Variants in ABCA2 observed in about 807,000 individuals in gnomAD.
ABCA2 encodes ATP-binding cassette sub-family A member 2.
Under a neutral mutation model 262.8 loss-of-function variants are expected in ABCA2, and 84 were observed. The ratio of observed to expected loss-of-function variants is 0.32; its 90% CI spans 0.27 to 0.38. ABCA2 has a LOEUF of 0.38. ABCA2 is among the 10% of genes least tolerant of loss of function. The pLI, the probability that ABCA2 is intolerant of heterozygous loss-of-function variation, is 1.00. For missense variants in ABCA2, 2,662 were observed against 3,405.9 expected, an observed-to-expected ratio of 0.78 and a Z score of 5.44; for synonymous variants, 1,696 against 1,502.9, an observed-to-expected ratio of 1.13 and a Z score of -2.97.
rs1018721239 is a variant in ABCA2, at chr9:137,007,521, G to A, written c.*408C>T. The A allele has an allele frequency of 3.8e-5, 10 of 261,184 alleles. 1 individual carries two copies. The highest frequency in any genetic ancestry group is 2.5e-4 in the South Asian group (6 of 24,230). The allele number at this position is 261,184 out of a possible 1,614,324, so 16.2% of individuals were successfully genotyped here. On this transcript the variant is annotated 3_prime_UTR_variant, in exon 49 of 49. Coordinates refer to ENST00000341511, the MANE Select transcript of ABCA2 (RefSeq NM_001606.5). ...ATAAATACGGGACTGACCCAGCTCCGCCCACAGCCCGCTCTCGGCATCAGC... is the reference window on the plus strand; with the variant it reads ...ATAAATACGGGACTGACCCAGCTCCACCCACAGCCCGCTCTCGGCATCAGC...
At chr9:137,023,961 C>T (rs1831565921) in intron 2 of ABCA2, 121 bp from the exon 3 acceptor site, 1 of 1,518,462 alleles carries the variant, frequency 6.6e-7, no homozygotes, top group Non-Finnish European at 8.9e-7. Flanking sequence ...TTCGCGGCCA[C>T]AGGCCAGCCC....
chr9:137,007,815 A>T lies in ABCA2; in HGVS notation c.*114T>A, dbSNP rs1262442317. ...AGGACCAGAAGCCCCTTGGTCCTGA[A>T]CCTCCACTCCAGGCCCTGGCAGGCA... On this transcript the variant is annotated 3_prime_UTR_variant, in exon 49 of 49. Transcript: ENST00000341511. 7.0e-7 allele frequency: 1 copy of T among 1,436,926 alleles called. No homozygotes were observed. Among genetic ancestry groups the T allele is most frequent in the Non-Finnish European group, 9.5e-7 (1 of 1,054,408 alleles). 89.0% of individuals were successfully genotyped at this position (1,436,926 alleles called of 1,614,324 possible). A position where few individuals can be genotyped will look rare whatever the true frequency, so the allele number is the denominator to read the frequency against.
chr9:137,010,600 C>T lies in ABCA2; in HGVS notation c.6174+20G>A. On this transcript the variant is annotated intron_variant, in intron 40 of 48. Transcript: ENST00000341511. ...CTGGCCTACCCCACCCAGGCCCCACCCTACATGCCCAGAGCCCACCTTGGT... is the reference window on the plus strand; with the variant it reads ...CTGGCCTACCCCACCCAGGCCCCACTCTACATGCCCAGAGCCCACCTTGGT... The T allele has an allele frequency of 6.4e-7, 1 of 1,571,210 alleles. No individual in the cohort carries two copies.
rs759814877 is a variant in ABCA2 at position 137,011,393 on chromosome 9, C to T, written c.5799+14G>A. Reference sequence around the variant, plus strand: ...GCAGGGTCCGCCACCCCCACCATGTCGTCACCGCCCCACCTTGTCGTGCTC... The same window carrying T: ...GCAGGGTCCGCCACCCCCACCATGTTGTCACCGCCCCACCTTGTCGTGCTC... On this transcript the variant is annotated intron_variant, in intron 37 of 48. Coordinates refer to ENST00000341511, the MANE Select transcript of ABCA2 (RefSeq NM_001606.5). The surrounding 1 kb of genome is among the most constrained non-coding windows in gnomAD (Gnocchi z 8.8). 9.9e-6 allele frequency: 16 copies of T among 1,608,652 alleles called. No individual in the cohort carries two copies. Among genetic ancestry groups the T allele is most frequent in the African/African-American group, 8.0e-5 (6 of 74,880 alleles).
chr9:137,008,104 T>C, intron 48 of ABCA2, 140 bp from the exon 49 acceptor site: 1 of 1,125,018 alleles, frequency 8.9e-7, no homozygotes, highest in South Asian at 1.5e-5. Flanking sequence ...CCTCTGTGTC[T>C]GGGCTCTCCC....
rs1162192440 is a variant in ABCA2, at chr9:137,012,912, C to T, written c.4881G>A (p.Ser1627=). Residue 1627 remains serine (S), a synonymous_variant, in exon 31 of 49, where the codon TCG becomes TCA. Coordinates refer to ENST00000341511, the MANE Select transcript of ABCA2 (RefSeq NM_001606.5). The part of the protein sequence containing the change: ...PPTAGPEMWT[S]APSLPRLVRE... The stretch of plus-strand genomic sequence containing the variant: ...GTACCAGGCGCGGCAGGGAGGGTGC[C>T]GACGTCCACATTTCTGTGGGCACAG... The T allele has an allele frequency of 1.5e-5, 23 of 1,525,308 alleles. No homozygotes were observed. In the East Asian group the frequency reaches 3.1e-4, roughly 21 times the overall value. 94.5% of individuals were successfully genotyped at this position (1,525,308 alleles called of 1,614,324 possible). A position where few individuals can be genotyped will look rare whatever the true frequency, so the allele number is the denominator to read the frequency against.
chr9:137,023,853 C>A lies in ABCA2; in HGVS notation c.161-13G>T, dbSNP rs79501937. 7,015 of 846,126 alleles carry A rather than the reference C, an allele frequency of 8.3e-3. 38 individuals are homozygous for A. Among genetic ancestry groups the A allele is most frequent in the Non-Finnish European group, 0.012 (5,704 of 489,458 alleles). 52.4% of individuals were successfully genotyped at this position (846,126 alleles called of 1,614,324 possible). A position where few individuals can be genotyped will look rare whatever the true frequency, so the allele number is the denominator to read the frequency against. ...GCTCACTTACAGACTGCATGCCAGCCGAGGACAAGAGACCATGCGGGGAGG... is the reference window on the plus strand; with the variant it reads ...GCTCACTTACAGACTGCATGCCAGCAGAGGACAAGAGACCATGCGGGGAGG... On this transcript the variant is annotated splice_polypyrimidine_tract_variant and intron_variant, in intron 2 of 48. Transcript: ENST00000341511.
rs184604503 is a variant in ABCA2, at chr9:137,011,628, G to A, written c.5651+6C>T. 5.5e-5 allele frequency: 86 copies of A among 1,552,906 alleles called. No homozygotes were observed. The highest frequency in any genetic ancestry group is 8.3e-5 in the South Asian group (7 of 84,296). Reference sequence around the variant, plus strand: ...TGAGGCCGCTCCCCCCTCCGCTTCCGCTTACCCATAGAGCAGGAAGAGGGA... The same window carrying A: ...TGAGGCCGCTCCCCCCTCCGCTTCCACTTACCCATAGAGCAGGAAGAGGGA... On this transcript the variant is annotated splice_donor_region_variant and intron_variant, in intron 36 of 48. Transcript: ENST00000341511. This position sits in a 1 kb window ranked among gnomAD's most constrained non-coding sequence, Gnocchi z 8.8.
rs1216382922 is a variant in ABCA2, at chr9:137,020,895, C to T, written c.1064G>A (p.Arg355Gln). The T allele has an allele frequency of 1.2e-5, 19 of 1,554,302 alleles. No homozygotes were observed. The highest frequency in any genetic ancestry group is 1.6e-5 in the Non-Finnish European group (18 of 1,148,932). Reference sequence around the variant, plus strand: ...ACCACTGGCTGGGGGTCCGGGGGTCCGGCCAGTGCAGGCACCCTGGGGCAG... The same window carrying T: ...ACCACTGGCTGGGGGTCCGGGGGTCTGGCCAGTGCAGGCACCCTGGGGCAG... ...LLLPQGACTGRTPGPPASGAG... is the reference protein window; with the variant it reads ...LLLPQGACTGQTPGPPASGAG... Residue 355 changes from arginine (R) to glutamine (Q), a missense_variant, in exon 9 of 49, where the codon CGG becomes CAG. Physicochemically the swap from Arg to Gln is conservative, Grantham distance 43. Transcript: ENST00000341511.
At position 137,017,906 on chromosome 9, in the gene ABCA2, G is replaced by A. The variant is rs373947893; in HGVS notation, c.2097-5C>T. The A allele has an allele frequency of 1.2e-6, 2 of 1,612,312 alleles. No individual in the cohort carries two copies. ...TGCTCAATGACAAACAGGAAGCTGCGGGGAGGCCGCGCTCAGGCGCCACTC... is the reference window on the plus strand; with the variant it reads ...TGCTCAATGACAAACAGGAAGCTGCAGGGAGGCCGCGCTCAGGCGCCACTC... On this transcript the variant is annotated splice_polypyrimidine_tract_variant and splice_region_variant and intron_variant, in intron 15 of 48. Transcript: ENST00000341511.
At position 137,014,423 on chromosome 9, in the gene ABCA2, C is replaced by T. The variant is rs573595263; in HGVS notation, c.4004-19G>A. On this transcript the variant is annotated intron_variant, in intron 26 of 48. Transcript: ENST00000341511. ...TTCACATCTGCCGCAGTGGAAGGGC[C>T]GAGGGGACACTCAGGGCTACTGGCC... is the stretch of plus-strand genomic sequence containing the variant. 3.5e-5 allele frequency: 55 copies of T among 1,568,692 alleles called. No homozygotes were observed. In the East Asian group the frequency reaches 8.3e-4, roughly 24 times the overall value.
intron 1 of ABCA2, among the ~76,000 whole-genome samples, chr9:137,026,046 C>CG (rs1017475328): frequency 6.6e-6 from 1 of 152,142 alleles, no homozygotes; most frequent in East Asian, 1.9e-4. Flanking sequence ...CCTACTGTGT[C>CG]GGGGGGAGAA....
At chr9:137,022,645 G>A in intron 5 of ABCA2, 57 bp downstream of exon 5, 2 of 1,576,156 alleles carry the variant, frequency 1.3e-6, no homozygotes, top group South Asian at 1.2e-5. Flanking sequence ...CTTCAGCCCA[G>A]TGACAGCAGA....
intron 44 of ABCA2, 26 bp from the exon 45 acceptor site, chr9:137,009,488 C>T (rs368940580): frequency 2.1e-4 from 332 of 1,582,892 alleles, no homozygotes; most frequent in Non-Finnish European, 2.7e-4. Flanking sequence ...AGGCTGGCAC[C>T]GGAAGGGGTG....
At chr9:137,022,026 A>AGAT in intron 6 of ABCA2, 25 bp from the exon 7 acceptor site, 1 of 1,372,154 alleles carries the variant, frequency 7.3e-7, no homozygotes, top group South Asian at 1.3e-5. Context: ...GGAATGGCTC[A>AGAT]GATGGGGTGT....
At chr9:137,018,871 T>C in intron 12 of ABCA2, 32 bp downstream of exon 12, 1 of 1,612,022 alleles carries the variant, frequency 6.2e-7, no homozygotes. Context: ...GCAGGGGGTG[T>C]CGTGGGTTGG....
rs375596280 is a variant in ABCA2, at chr9:137,013,785, C to T, written c.4447+47G>A. ...GGGCATCATCAGGGCTCCCAGCGGG[C>T]GGTGGGGGGAGGCAAGCCCAGCACC... is the stretch of plus-strand genomic sequence containing the variant. On this transcript the variant is annotated intron_variant, in intron 28 of 48. Transcript: ENST00000341511. 167 of 1,552,664 alleles carry T rather than the reference C, an allele frequency of 1.1e-4. No homozygotes were observed. The African/African-American group carries it at 1.7e-3, about 16-fold the overall frequency.
intron 6 of ABCA2, among the ~76,000 whole-genome samples, 171 bp from the exon 7 acceptor site, chr9:137,022,172 G>A (rs1831489048): frequency 9.0e-6 from 1 of 111,508 alleles, no homozygotes; most frequent in East Asian, 3.0e-4. Context: ...AGGTGTGGGG[G>A]CGTGGCTCAG....
At position 137,028,195 on chromosome 9, in the gene ABCA2, G is replaced by A. The variant is rs1831727268; in HGVS notation, c.-55C>T. 1 of 977,716 alleles carries A rather than the reference G, an allele frequency of 1.0e-6. No individual in the cohort carries two copies. The highest frequency in any genetic ancestry group is 1.8e-5 in the African/African-American group (1 of 56,434). The allele number at this position is 977,716 out of a possible 1,614,324, so 60.6% of individuals were successfully genotyped here. A position where few individuals can be genotyped will look rare whatever the true frequency, so the allele number is the denominator to read the frequency against. On this transcript the variant is annotated 5_prime_UTR_variant, in exon 1 of 49. Transcript: ENST00000341511. This position sits in a 1 kb window ranked among gnomAD's most constrained non-coding sequence, Gnocchi z 6.9. ...CGCGGCCCGCTCCTCTGCGCGCCCC[G>A]CCGGGCCCCGCAGCCCGCCGCGCCG...
Sources: gnomAD v4.1 joint callset for allele counts (sites outside exome capture counted in the v4.1 genomes callset) on GRCh38, gnomAD v4.1.1 for gene constraint, Gnocchi (gnomAD v3.1) non-coding constraint, MANE v1.5 for transcripts, NCBI Gene and HGNC (gene_info 2026-07-23, HGNC 2026-07-21) for gene names.